The following SYNPO variants were observed in gnomAD, a reference collection of about 807,000 sequenced individuals.
SYNPO encodes the protein synaptopodin.
In SYNPO, 19 loss-of-function variants were observed where a neutral mutation model predicts 49.5. The ratio of observed to expected loss-of-function variants is 0.38; its 90% CI spans 0.27 to 0.56. The LOEUF is 0.56. Ranked by LOEUF, SYNPO falls within the 20% of genes least tolerant of loss-of-function variation. The probability of loss-of-function intolerance (pLI) is 0.68; values close to 1 mark genes in which losing one functional copy is unlikely to be tolerated. For synonymous variants in SYNPO, 536 were observed against 548.0 expected, an observed-to-expected ratio of 0.98 and a Z score of 0.31; for missense variants, 1,131 against 1,248.3, an observed-to-expected ratio of 0.91 and a Z score of 1.42.
chr5:150,618,813 A>G, intron 2 of SYNPO: 4 of 1,548,606 alleles, frequency 2.6e-6, no homozygotes, highest in Non-Finnish European at 3.5e-6. Context: ...GTCACTGGAG[A>G]CCCCCCAGGT....
intron 1 of SYNPO, among the ~76,000 whole-genome samples, chr5:150,601,748 C>T (rs1756548738): frequency 1.3e-5 from 2 of 152,148 alleles, no homozygotes; most frequent in Admixed American, 1.3e-4. Flanking sequence ...GGTGAGAGGA[C>T]ACTCACCTGA....
chr5:150,633,600 C>G (rs553174862), intron 2 of SYNPO, among the ~76,000 whole-genome samples: 77 of 152,288 alleles, frequency 5.1e-4, no homozygotes, highest in African/African-American at 1.7e-3. Context: ...GGATAAGGCC[C>G]CGAGGTGGGG....
chr5:150,604,732 GT>G (rs148548751), intron 1 of SYNPO, among the ~76,000 whole-genome samples: 2,055 of 152,308 alleles, frequency 0.013, 43 homozygotes, highest in African/African-American at 0.046. Flanking sequence ...AATTCACGAG[GT>G]GGCGGCACAG....
chr5:150,624,594 G>A (rs1417025765), intron 2 of SYNPO: 1 of 152,248 alleles, frequency 6.6e-6, no homozygotes, highest in African/African-American at 2.4e-5. Flanking sequence ...GGGTGGAGGA[G>A]GGAGTCGCAC....
intron 1 of SYNPO, among the ~76,000 whole-genome samples, chr5:150,646,045 T>C (rs1758077269): frequency 6.6e-6 from 1 of 152,118 alleles, no homozygotes; most frequent in African/African-American, 2.4e-5. Context: ...TTTTAATTTT[T>C]AGGGCCAGGT....
chr5:150,588,808 A>G, the SYNPO span, among the ~76,000 whole-genome samples: 1 of 152,238 alleles, frequency 6.6e-6, no homozygotes, highest in South Asian at 2.1e-4. Context: ...ACTTTTTGAC[A>G]TAAAAAAATT....
At chr5:150,624,638 G>T in intron 2 of SYNPO, 1 of 162,472 alleles carries the variant, frequency 6.2e-6, no homozygotes, top group South Asian at 2.0e-4. Flanking sequence ...CGGGAGGGGC[G>T]GCGCTAGGGC....
At chr5:150,616,250 C>G (rs756211999) in intron 1 of SYNPO, among the ~76,000 whole-genome samples, 20 of 152,134 alleles carry the variant, frequency 1.3e-4, no homozygotes, top group Admixed American at 1.3e-3. Context: ...TGCTTGGGGG[C>G]GGAGGCGTGA....
chr5:150,650,419 G>A, intron 2 of SYNPO, 116 bp downstream of exon 2: 1 of 1,556,764 alleles, frequency 6.4e-7, no homozygotes, highest in Non-Finnish European at 8.7e-7. Flanking sequence ...ATGGCACAGA[G>A]CTGAGTGAGG....
chr5:150,591,931 C>A, the SYNPO span, among the ~76,000 whole-genome samples: 24 of 152,230 alleles, frequency 1.6e-4, 1 homozygote, highest in East Asian at 4.6e-3. Flanking sequence ...TTTGGGAGGC[C>A]GAGGTGGGTG....
chr5:150,615,410 T>G (rs2151360024), intron 1 of SYNPO: 1 of 151,862 alleles, frequency 6.6e-6, no homozygotes, highest in African/African-American at 2.4e-5. Flanking sequence ...CTGCGGGGAG[T>G]CAGAGGAGCC....
At chr5:150,618,671 G>A (rs566783132) in exon 2 of SYNPO, 36 of 1,551,062 alleles carry the variant, frequency 2.3e-5, no homozygotes, top group South Asian at 1.8e-4. Context: ...CCAGCACGAC[G>A]ACAGGGCCAG....
At chr5:150,622,444 C>T (rs944821231) in intron 2 of SYNPO, among the ~76,000 whole-genome samples, 4 of 152,206 alleles carry the variant, frequency 2.6e-5, no homozygotes, top group Non-Finnish European at 5.9e-5. Context: ...CCCTCCCACT[C>T]GGATGCTCTG....
At chr5:150,586,191 A>C in the SYNPO span, among the ~76,000 whole-genome samples, 1 of 152,164 alleles carries the variant, frequency 6.6e-6, no homozygotes, top group Non-Finnish European at 1.5e-5. Flanking sequence ...GGGAAGGGAG[A>C]AGGGAAAGCT....
At chr5:150,587,275 G>A in the SYNPO span, among the ~76,000 whole-genome samples, 2 of 152,176 alleles carry the variant, frequency 1.3e-5, no homozygotes, top group East Asian at 3.9e-4. Flanking sequence ...TGGATATGTA[G>A]ATTCATAGAT....
At chr5:150,618,908 T>G in intron 2 of SYNPO, 5 of 1,094,732 alleles carry the variant, frequency 4.6e-6, no homozygotes, top group Non-Finnish European at 3.9e-6. Flanking sequence ...GATTAACAGC[T>G]GTGGAGAGAT....
intron 1 of SYNPO, among the ~76,000 whole-genome samples, chr5:150,608,908 G>A (rs1433782295): frequency 6.6e-6 from 1 of 152,226 alleles, no homozygotes; most frequent in African/African-American, 2.4e-5. Flanking sequence ...TGATGCAGGC[G>A]TGGTTAGGGT....
chr5:150,657,042 G>A lies in SYNPO; in HGVS notation c.2667G>A (p.Arg889=). 1.2e-6 allele frequency: 2 copies of A among 1,600,074 alleles called. No homozygotes were observed. Among genetic ancestry groups the A allele is most frequent in the Non-Finnish European group, 8.5e-7 (1 of 1,174,668 alleles). Residue 889 remains arginine (R), a synonymous_variant, in exon 3 of 3, where the codon CGG becomes CGA. Coordinates refer to ENST00000307662, the MANE Select transcript of SYNPO (RefSeq NM_007286.6). ...CCCGCGGGTGGAATGGCAGCCTTCG[G>A]CTCAAGCGTGGCAGCCTCCCCGCCG... ...ICPRGWNGSL[R]LKRGSLPAEA...
At chr5:150,597,358 T>A (rs1293169480), upstream of SYNPO, among the ~76,000 whole-genome samples, 1 of 152,150 alleles carries the variant, frequency 6.6e-6, no homozygotes, top group Non-Finnish European at 1.5e-5. Flanking sequence ...TGAGACAGAG[T>A]TTTGCTCTTG....
Sources: gnomAD v4.1 joint callset for allele counts (sites outside exome capture counted in the v4.1 genomes callset) on GRCh38, gnomAD v4.1.1 for gene constraint, MANE v1.5 for transcripts, NCBI Gene and HGNC (gene_info 2026-07-23, HGNC 2026-07-21) for gene names.